Variants in COL25A1 observed in about 807,000 individuals in gnomAD.
The protein encoded by COL25A1 is collagen type XXV alpha 1 chain.
In COL25A1, 103 loss-of-function variants were observed where a neutral mutation model predicts 128.4. That is an observed-to-expected ratio of 0.80 (90% CI 0.68 to 0.94). The LOEUF is 0.94. Ranked by LOEUF, COL25A1 falls within the 40% of genes least tolerant of loss-of-function variation. The pLI is 0.00. For synonymous variants in COL25A1, 279 were observed against 277.2 expected (o/e 1.01, Z -0.06); for missense variants, 745 against 840.0 (o/e 0.89, Z 1.40).
At chr4:109,045,181 A>G (rs1760308996) in intron 5 of COL25A1, among the ~76,000 whole-genome samples, 1 of 152,206 alleles carries the variant, frequency 6.6e-6, no homozygotes, top group Admixed American at 6.6e-5. Context: ...AATACATACA[A>G]CATATAAAAT....
intron 3 of COL25A1, among the ~76,000 whole-genome samples, chr4:109,212,484 T>C (rs1049933659): frequency 1.3e-5 from 2 of 152,182 alleles, no homozygotes; most frequent in Admixed American, 6.6e-5. Context: ...AATGCCTTTA[T>C]AGAAGTTAGT....
intron 31 of COL25A1, among the ~76,000 whole-genome samples, chr4:108,839,013 G>A (rs1435688245): frequency 6.6e-6 from 1 of 151,986 alleles, no homozygotes; most frequent in African/African-American, 2.4e-5. Context: ...AATCTTGAAG[G>A]GCTTGTGAAA....
At chr4:109,114,843 A>G (rs1041823516) in intron 3 of COL25A1, among the ~76,000 whole-genome samples, 1 of 152,076 alleles carries the variant, frequency 6.6e-6, no homozygotes. Flanking sequence ...AATCAGGACC[A>G]CCCAACTTTT....
intron 3 of COL25A1, among the ~76,000 whole-genome samples, chr4:109,173,255 T>TA (rs929914599): frequency 6.1e-4 from 90 of 147,152 alleles, no homozygotes; most frequent in South Asian, 1.1e-3. Flanking sequence ...CCAGCTAATT[T>TA]AAAAAAAAAA....
chr4:109,239,412 ATATATATATATTTATT>A (rs1318746802), intron 3 of COL25A1, among the ~76,000 whole-genome samples: 4 of 134,854 alleles, frequency 3.0e-5, no homozygotes, highest in African/African-American at 8.4e-5. Context: ...ATATATATAT[ATATATATATATTTATT>A]TATTTATTTA....
At chr4:109,249,940 G>A (rs1345588661) in intron 3 of COL25A1, among the ~76,000 whole-genome samples, 3 of 152,160 alleles carry the variant, frequency 2.0e-5, no homozygotes, top group Non-Finnish European at 4.4e-5. Context: ...ATCTTAACAT[G>A]TGGAGGATAC....
At position 108,812,259 on chromosome 4, in the gene COL25A1, G is replaced by A. The variant is rs1288892723; in HGVS notation, c.*1668C>T. On this transcript the variant is annotated 3_prime_UTR_variant, in exon 38 of 38. Transcript: ENST00000399132. ...CTTTCTGAGATCTTAGATTTGGTCT[G>A]TGGATATGAGGATGAGACAAACATT... is the stretch of plus-strand genomic sequence containing the variant. 1 of 152,156 alleles carries A rather than the reference G, an allele frequency of 6.6e-6. No homozygotes were observed. The highest frequency in any genetic ancestry group is 2.4e-5 in the African/African-American group (1 of 41,444). 9.4% of individuals were successfully genotyped at this position (152,156 alleles called of 1,614,324 possible). A position where few individuals can be genotyped will look rare whatever the true frequency, so the allele number is the denominator to read the frequency against.
chr4:109,146,392 T>C (rs1313338628), intron 3 of COL25A1, among the ~76,000 whole-genome samples: 2 of 152,220 alleles, frequency 1.3e-5, no homozygotes, highest in Non-Finnish European at 2.9e-5. Context: ...TATGACAATG[T>C]TTAATAGAAA....
At chr4:109,097,000 A>G (rs1158090183) in intron 3 of COL25A1, among the ~76,000 whole-genome samples, 2 of 152,230 alleles carry the variant, frequency 1.3e-5, no homozygotes, top group Non-Finnish European at 1.5e-5. Context: ...AAGGAAACAG[A>G]ACAATAGGAA....
intron 3 of COL25A1, among the ~76,000 whole-genome samples, chr4:109,199,951 T>TA (rs1776420357): frequency 6.6e-6 from 1 of 152,154 alleles, no homozygotes; most frequent in African/African-American, 2.4e-5. Flanking sequence ...CAGCAAGAAA[T>TA]ACACCTTAGT....
At chr4:109,257,965 T>G (rs1008041483) in intron 3 of COL25A1, among the ~76,000 whole-genome samples, 1 of 152,302 alleles carries the variant, frequency 6.6e-6, no homozygotes, top group South Asian at 2.1e-4. Flanking sequence ...TGGTAAAATA[T>G]GAGAACACAC....
chr4:108,992,462 A>G (rs973390132), intron 6 of COL25A1, among the ~76,000 whole-genome samples: 1 of 152,230 alleles, frequency 6.6e-6, no homozygotes, highest in Non-Finnish European at 1.5e-5. Flanking sequence ...AGTCTTTATT[A>G]GTGGAAGAAT....
At chr4:109,231,652 T>A (rs6838616) in intron 3 of COL25A1, among the ~76,000 whole-genome samples, 2 of 151,926 alleles carry the variant, frequency 1.3e-5, no homozygotes, top group Non-Finnish European at 2.9e-5. Context: ...AATTCTATCC[T>A]GACCATCCAA....
intron 8 of COL25A1, 132 bp downstream of exon 8, chr4:108,974,235 T>G (rs894880244): frequency 3.9e-5 from 32 of 825,654 alleles, no homozygotes; most frequent in Non-Finnish European, 6.2e-5. Context: ...CACTTACAAG[T>G]GGTATGGTAT....
chr4:109,228,196 A>G (rs919378865), intron 3 of COL25A1, among the ~76,000 whole-genome samples: 1 of 152,044 alleles, frequency 6.6e-6, no homozygotes, highest in Non-Finnish European at 1.5e-5. Context: ...TCAGACTCAC[A>G]CTAATTTCCT....
chr4:109,191,526 AACC>A (rs1404886770), intron 3 of COL25A1, among the ~76,000 whole-genome samples: 1 of 152,186 alleles, frequency 6.6e-6, no homozygotes, highest in Non-Finnish European at 1.5e-5. Context: ...CACCTCGGCC[AACC>A]ACCATCAGCT....
Position 109,050,192 on chromosome 4 carries a change from G to T in COL25A1, c.368-13C>A. ...TTCCCTGGAGGGCCTGAAATACAAA[G>T]GATAATTTTTTTAGTGTAGTTTAAT... On this transcript the variant is annotated splice_polypyrimidine_tract_variant and intron_variant, in intron 3 of 37. Transcript: ENST00000399132. 6.2e-7 allele frequency: 1 copy of T among 1,602,024 alleles called. No homozygotes were observed.
intron 3 of COL25A1, among the ~76,000 whole-genome samples, chr4:109,072,293 C>T (rs1258345620): frequency 1.6e-4 from 24 of 152,218 alleles, no homozygotes; most frequent in Non-Finnish European, 2.9e-4. Flanking sequence ...AACAGATGAA[C>T]GATGTTACCT....
At chr4:109,122,213 C>T (rs1164627947) in intron 3 of COL25A1, among the ~76,000 whole-genome samples, 1 of 152,048 alleles carries the variant, frequency 6.6e-6, no homozygotes, top group East Asian at 1.9e-4. Flanking sequence ...TGACATTATA[C>T]ATTTGCTCAA....
Sources: gnomAD v4.1 joint callset for allele counts (sites outside exome capture counted in the v4.1 genomes callset) on GRCh38, gnomAD v4.1.1 for gene constraint, MANE v1.5 for transcripts, NCBI Gene and HGNC (gene_info 2026-07-23, HGNC 2026-07-21) for gene names.